Variants in KIRREL3 observed in about 807,000 individuals in gnomAD.
KIRREL3 encodes the protein kirre like nephrin family adhesion molecule 3.
KIRREL3 carries 36 observed loss-of-function variants against 89.7 expected under a neutral mutation model. The observed-to-expected ratio is 0.40, with a 90% CI of 0.31 to 0.53. KIRREL3 has a LOEUF of 0.53. Among genes scored for constraint, KIRREL3 ranks in the 20% least tolerant of loss-of-function variants. The pLI is 0.49. For missense variants in KIRREL3, 864 were observed against 1,056.6 expected, an observed-to-expected ratio of 0.82 and a Z score of 2.53; for synonymous variants, 445 against 441.4, an observed-to-expected ratio of 1.01 and a Z score of -0.10.
Position 126,535,745 on chromosome 11 carries a change from G to T in KIRREL3, c.134-9058C>A, listed in dbSNP as rs1937806160. Among the ~76,000 whole-genome samples the T allele has an allele frequency of 6.6e-6, 1 of 152,242 alleles. No individual in the cohort carries two copies. The highest frequency in any genetic ancestry group is 1.5e-5 in the Non-Finnish European group (1 of 68,040). Reference sequence around the variant, plus strand: ...CACGCCTGTAATCCCAGCACTTTGGGAAGCTGAGGCGGGTGGATCACCTGA... The same window carrying T: ...CACGCCTGTAATCCCAGCACTTTGGTAAGCTGAGGCGGGTGGATCACCTGA... On this transcript the variant is annotated intron_variant, in intron 2 of 16. Coordinates refer to ENST00000525144, the MANE Select transcript of KIRREL3 (RefSeq NM_032531.4). This position sits in a 1 kb window ranked among gnomAD's most constrained non-coding sequence, Gnocchi z 4.5.
At chr11:126,478,855 G>C (rs1957151144) in intron 4 of KIRREL3, among the ~76,000 whole-genome samples, 1 of 152,102 alleles carries the variant, frequency 6.6e-6, no homozygotes, top group South Asian at 2.1e-4. Context: ...AGGGAGGAGG[G>C]CAAAGCAGGA....
rs895889437 is a variant in KIRREL3, at chr11:126,685,618, A to G, written c.56-122706T>C. 1.3e-5 allele frequency among the ~76,000 whole-genome samples: 2 copies of G among 152,330 alleles called. No individual in the cohort carries two copies. The highest frequency in any genetic ancestry group is 1.3e-4 in the Admixed American group (2 of 15,308). On this transcript the variant is annotated intron_variant, in intron 1 of 16. Coordinates refer to ENST00000525144, the MANE Select transcript of KIRREL3 (RefSeq NM_032531.4). The surrounding 1 kb of genome is among the most constrained non-coding windows in gnomAD (Gnocchi z 5.5). ...CAGGGCAGGCTTGGCACTTCCCAGG[A>G]TTACAGTCATAATGGTAACAGATAA...
chr11:126,648,987 A>T (rs1944801792), intron 1 of KIRREL3, among the ~76,000 whole-genome samples: 1 of 152,344 alleles, frequency 6.6e-6, no homozygotes, highest in Middle Eastern at 3.4e-3. Context: ...TTACAGTTCC[A>T]CATGGGTGGG....
In KIRREL3 at chr11:126,449,026, C is replaced by A. The variant is rs746537426; in HGVS notation, c.980G>T (p.Arg327Leu). The A allele has an allele frequency of 1.4e-5, 22 of 1,611,618 alleles. No homozygotes were observed. The highest frequency in any genetic ancestry group is 3.3e-5 in the Admixed American group (2 of 59,918). The part of the protein sequence containing the change: ...TNALGSTNLS[R>L]TVDVYFGPRM... ...GCACTCACAGTAGACGTCAACCGTG[C>A]GGCTGAGGTTGGTGCTGCCCAGGGC... is the stretch of plus-strand genomic sequence containing the variant. Residue 327 changes from arginine to leucine, a missense_variant, in exon 8 of 17, where the codon CGC becomes CTC. Arg to Leu is a moderately radical substitution (Grantham distance 102). Coordinates refer to ENST00000525144, the MANE Select transcript of KIRREL3 (RefSeq NM_032531.4).
At chr11:126,442,095 AC>A (rs1236006111) in intron 10 of KIRREL3, among the ~76,000 whole-genome samples, 4 of 151,682 alleles carry the variant, frequency 2.6e-5, no homozygotes, top group Non-Finnish European at 5.9e-5. Flanking sequence ...ATATGGTGAA[AC>A]CCCGTCTGTA....
In KIRREL3 at chr11:126,708,479, G is replaced by C. The variant is rs547038452; in HGVS notation, c.56-145567C>G. 6.6e-6 allele frequency among the ~76,000 whole-genome samples: 1 copy of C among 152,286 alleles called. No homozygotes were observed. Among genetic ancestry groups the C allele is most frequent in the South Asian group, 2.1e-4 (1 of 4,818 alleles). ...ACTGGAAATAGAGTCCTTTATCTCA[G>C]ATATCAAACCCTGGCCCAGGATACA... On this transcript the variant is annotated intron_variant, in intron 1 of 16. Transcript: ENST00000525144. The surrounding 1 kb of genome is among the most constrained non-coding windows in gnomAD (Gnocchi z 5.7).
rs908422199 is a variant in KIRREL3 at position 126,614,449 on chromosome 11, T to G, written c.56-51537A>C. 6.6e-6 allele frequency among the ~76,000 whole-genome samples: 1 copy of G among 152,200 alleles called. No homozygotes were observed. The highest frequency in any genetic ancestry group is 1.5e-5 in the Non-Finnish European group (1 of 68,034). On this transcript the variant is annotated intron_variant, in intron 1 of 16. Transcript: ENST00000525144. The surrounding 1 kb of genome is among the most constrained non-coding windows in gnomAD (Gnocchi z 4.6). ...GATGGGTTTTAATCTTAGCTGCGTA[T>G]TAGAATGCCCTGGAGAGCTTTGAAA...
intron 1 of KIRREL3, among the ~76,000 whole-genome samples, chr11:126,619,980 C>T (rs1943513022): frequency 1.3e-5 from 2 of 152,062 alleles, no homozygotes; most frequent in African/African-American, 4.8e-5. Context: ...AAATCAAACT[C>T]CTTAAAAATC....
intron 16 of KIRREL3, 77 bp from the exon 17 acceptor site, chr11:126,425,100 C>G: frequency 7.4e-7 from 1 of 1,347,026 alleles, no homozygotes; most frequent in South Asian, 1.5e-5. Context: ...AGGCTGAGCC[C>G]GTCCCCTTAT....
intron 1 of KIRREL3, among the ~76,000 whole-genome samples, chr11:126,939,868 C>T (rs991105449): frequency 3.9e-5 from 6 of 152,108 alleles, no homozygotes; most frequent in Non-Finnish European, 1.5e-5. Context: ...GTCTTCTTTC[C>T]CAAGGTCACT....
chr11:126,424,355 C>T lies in KIRREL3; in HGVS notation c.*225G>A, dbSNP rs1363311511. On this transcript the variant is annotated 3_prime_UTR_variant, in exon 17 of 17. Transcript: ENST00000525144. ...GCACTAAGCACAGCGCACTCAGCCG[C>T]AGCCTCTGTCTGTCTCCCCACCCGC... 3.5e-6 allele frequency: 2 copies of T among 564,546 alleles called. No individual in the cohort carries two copies. The highest frequency in any genetic ancestry group is 6.4e-6 in the Non-Finnish European group (2 of 314,678). 35.0% of individuals were successfully genotyped at this position (564,546 alleles called of 1,614,324 possible). A position where few individuals can be genotyped will look rare whatever the true frequency, so the allele number is the denominator to read the frequency against.
intron 1 of KIRREL3, among the ~76,000 whole-genome samples, chr11:126,616,029 GTTCAC>G (rs1426730388): frequency 6.6e-6 from 1 of 152,138 alleles, no homozygotes; most frequent in African/African-American, 2.4e-5. Flanking sequence ...TAGTGTGTCC[GTTCAC>G]TTCACATAGA....
In KIRREL3 at chr11:126,734,470, C is replaced by T. The variant is rs1459259715; in HGVS notation, c.56-171558G>A. Among the ~76,000 whole-genome samples the T allele has an allele frequency of 6.6e-6, 1 of 152,094 alleles. No homozygotes were observed. The highest frequency in any genetic ancestry group is 1.5e-5 in the Non-Finnish European group (1 of 68,018). On this transcript the variant is annotated intron_variant, in intron 1 of 16. Transcript: ENST00000525144. This position sits in a 1 kb window ranked among gnomAD's most constrained non-coding sequence, Gnocchi z 5.9. ...CCTGAGGTCAGGAGTTCGAGACCAG[C>T]CTGACCAACATGGAGAAACCCTGTC...
At chr11:126,804,637 G>A (rs1353648568) in intron 1 of KIRREL3, among the ~76,000 whole-genome samples, 3 of 152,176 alleles carry the variant, frequency 2.0e-5, no homozygotes, top group African/African-American at 7.2e-5. Context: ...CTTGGCAAAA[G>A]CATTTTAGTG....
chr11:126,480,672 C>T (rs1430911419), intron 4 of KIRREL3, among the ~76,000 whole-genome samples: 3 of 152,232 alleles, frequency 2.0e-5, no homozygotes, highest in African/African-American at 7.2e-5. Context: ...CTCTGCCTGT[C>T]CCAGGGGGCA....
rs904309633 is a variant in KIRREL3 at position 126,513,033 on chromosome 11, G to A, written c.433+8282C>T. ...CTCCCCAGTGAGGGCCGTTTGTCCT[G>A]CTTGGGTCTGGAGAGTTTCCAATGC... On this transcript the variant is annotated intron_variant, in intron 4 of 16. Coordinates refer to ENST00000525144, the MANE Select transcript of KIRREL3 (RefSeq NM_032531.4). This position sits in a 1 kb window ranked among gnomAD's most constrained non-coding sequence, Gnocchi z 5.9. Among the ~76,000 whole-genome samples, 1 of 152,072 alleles carries A rather than the reference G, an allele frequency of 6.6e-6. No homozygotes were observed. Among genetic ancestry groups the A allele is most frequent in the African/African-American group, 2.4e-5 (1 of 41,404 alleles).
intron 6 of KIRREL3, among the ~76,000 whole-genome samples, chr11:126,458,726 G>C (rs1460128913): frequency 6.6e-6 from 1 of 152,248 alleles, no homozygotes; most frequent in Admixed American, 6.5e-5. Context: ...GGTGCGGTCA[G>C]CCTGCCTGCC....
rs1951278775 is a variant in KIRREL3, at chr11:126,808,600, C to T, written c.55+191855G>A. ...ATTTTAATTGTAACAACAGAAACATCAGCAGCAAAATGGAGCCAAATGGGC... is the reference window on the plus strand; with the variant it reads ...ATTTTAATTGTAACAACAGAAACATTAGCAGCAAAATGGAGCCAAATGGGC... On this transcript the variant is annotated intron_variant, in intron 1 of 16. Coordinates refer to ENST00000525144, the MANE Select transcript of KIRREL3 (RefSeq NM_032531.4). This position sits in a 1 kb window ranked among gnomAD's most constrained non-coding sequence, Gnocchi z 4.1. 6.6e-6 allele frequency among the ~76,000 whole-genome samples: 1 copy of T among 152,206 alleles called. No homozygotes were observed. The highest frequency in any genetic ancestry group is 6.5e-5 in the Admixed American group (1 of 15,284).
At chr11:126,818,338 G>A (rs1439121870) in intron 1 of KIRREL3, among the ~76,000 whole-genome samples, 2 of 152,206 alleles carry the variant, frequency 1.3e-5, no homozygotes, top group Non-Finnish European at 2.9e-5. Flanking sequence ...TAGGGAGGCA[G>A]TGTGGCAGAA....
Sources: allele counts gnomAD v4.1 joint callset (sites outside exome capture counted in the v4.1 genomes callset), GRCh38; gene constraint gnomAD v4.1.1; non-coding constraint Gnocchi (gnomAD v3.1); transcripts MANE v1.5; gene names NCBI Gene and HGNC (gene_info 2026-07-23, HGNC 2026-07-21).